Variants in EFEMP2 observed in about 807,000 individuals in gnomAD.
The protein encoded by EFEMP2 is EGF-like fibulin extracellular matrix protein 2, also known as EGF-containing fibulin-like extracellular matrix protein 2.
EFEMP2 carries 21 observed loss-of-function variants against 55.3 expected under a neutral mutation model. That is an observed-to-expected ratio of 0.38 (90% confidence interval 0.27 to 0.55). EFEMP2 has a LOEUF of 0.55. Among genes scored for constraint, EFEMP2 ranks in the 20% least tolerant of loss-of-function variants. The pLI is 0.77. For missense variants in EFEMP2, 513 were observed against 615.1 expected (o/e 0.83, Z 1.76); for synonymous variants, 275 against 242.3 (o/e 1.14, Z -1.25).
intron 7 of EFEMP2, 23 bp downstream of exon 7, chr11:65,869,834 C>T (rs755546782): frequency 1.2e-6 from 2 of 1,613,252 alleles, no homozygotes; most frequent in South Asian, 1.1e-5. Context: ...CAGAGGAGTA[C>T]ACAGCAGGGA....
intron 7 of EFEMP2, chr11:65,869,462 C>A: frequency 3.1e-6 from 1 of 322,130 alleles, no homozygotes; most frequent in South Asian, 2.7e-5. Context: ...AGCACTGCAG[C>A]TTGAGACTTG....
chr11:65,868,454 C>T (rs367770866), intron 8 of EFEMP2, 33 bp from the exon 9 acceptor site: 40 of 1,613,684 alleles, frequency 2.5e-5, no homozygotes, highest in Non-Finnish European at 3.1e-5. Flanking sequence ...GAATCGGGGG[C>T]GTCAGGCTGC....
At chr11:65,871,047 G>A (rs1285661169) in intron 4 of EFEMP2, 110 bp downstream of exon 4, 1 of 1,274,156 alleles carries the variant, frequency 7.8e-7, no homozygotes, top group Non-Finnish European at 1.1e-6. Flanking sequence ...TCTGGATGAG[G>A]GTGTGGACAT....
rs1287686272 is a variant in EFEMP2 at position 65,866,447 on chromosome 11, T to A, written c.*471A>T. The A allele has an allele frequency of 2.0e-5, 14 of 699,260 alleles. No individual in the cohort carries two copies. The East Asian group carries it at 3.2e-4, about 16-fold the overall frequency. 43.3% of individuals were successfully genotyped at this position (699,260 alleles called of 1,614,324 possible). A position where few individuals can be genotyped will look rare whatever the true frequency, so the allele number is the denominator to read the frequency against. On this transcript the variant is annotated 3_prime_UTR_variant, in exon 11 of 11. Transcript: ENST00000307998. ...AGAAAAGATTGAAAACCACTAACAG[T>A]CCAGTTGCCTCGTTTTATAGAAAAA...
rs1859963014 is a variant in EFEMP2, at chr11:65,871,374, G to A, written c.161-11C>T. On this transcript the variant is annotated splice_polypyrimidine_tract_variant and intron_variant, in intron 3 of 10. Transcript: ENST00000307998. ...GACACTCGTTGACATCTGCAGAGAG[G>A]GGCCTGCTGGGCACAGCCAGTCTCC... 6.2e-7 allele frequency: 1 copy of A among 1,613,726 alleles called. No homozygotes were observed. Among genetic ancestry groups the A allele is most frequent in the Non-Finnish European group, 8.5e-7 (1 of 1,179,618 alleles).
chr11:65,872,168 G>A, intron 2 of EFEMP2, 76 bp downstream of exon 2: 1 of 1,500,468 alleles, frequency 6.7e-7, no homozygotes, highest in Non-Finnish European at 9.1e-7. Context: ...GACTTCCCCG[G>A]CAGCAGTCAC....
At position 65,868,405 on chromosome 11, in the gene EFEMP2, C is replaced by A. The variant is rs759514025; in HGVS notation, c.864G>T (p.Glu288Asp). ...CCTCGGAGCACTGGTGCGCACCAGA[C>A]TCACACTCATCAATGTCTGTGCCAG... is the stretch of plus-strand genomic sequence containing the variant. ...TRLCQDIDEC[E>D]SGAHQCSEAQ... The change falls in exon 9 of 11, where the codon GAG becomes GAT. Residue 288 changes from glutamate (E) to aspartate (D), a missense_variant. Physicochemically the swap from Glu to Asp is conservative, Grantham distance 45. Transcript: ENST00000307998. 2 of 1,613,922 alleles carry A rather than the reference C, an allele frequency of 1.2e-6. No individual in the cohort carries two copies. The highest frequency in any genetic ancestry group is 1.7e-5 in the Admixed American group (1 of 60,028).
intron 5 of EFEMP2, 24 bp from the exon 6 acceptor site, chr11:65,870,261 A>C: frequency 1.3e-6 from 2 of 1,598,164 alleles, no homozygotes; most frequent in Non-Finnish European, 1.7e-6. Context: ...CAGGAGAAGG[A>C]GGGCGGAGGG....
chr11:65,869,819 G>T (rs989764055), intron 7 of EFEMP2, 38 bp downstream of exon 7: 1 of 1,612,414 alleles, frequency 6.2e-7, no homozygotes, highest in Admixed American at 1.7e-5. Context: ...GGGCCTGGGG[G>T]TCCACAGAGG....
intron 9 of EFEMP2, 30 bp from the exon 10 acceptor site, chr11:65,868,086 G>A: frequency 6.2e-7 from 1 of 1,610,484 alleles, no homozygotes; most frequent in South Asian, 1.1e-5. Context: ...GGACACAAAT[G>A]AGCTCCTTGC....
chr11:65,871,265 C>A lies in EFEMP2; in HGVS notation c.259G>T (p.Val87Phe). The A allele has an allele frequency of 6.2e-7, 1 of 1,614,030 alleles. No homozygotes were observed. Among genetic ancestry groups the A allele is most frequent in the Non-Finnish European group, 8.5e-7 (1 of 1,179,890 alleles). The change falls in exon 4 of 11, where the codon GTC becomes TTC. Residue 87 changes from valine (V) to phenylalanine (F), a missense_variant. Val to Phe is a conservative substitution (Grantham distance 50). Coordinates refer to ENST00000307998, the MANE Select transcript of EFEMP2 (RefSeq NM_016938.5). The part of the protein sequence containing the change: ...GYLCLPRSAA[V>F]INDLHGEGPP... ...CCCTCGCCGTGTAGGTCGTTGATGA[C>A]GGCAGCGGAGCGGGGCAGGCACAAG...
At chr11:65,867,590 C>T (rs1859876866) in intron 10 of EFEMP2, 2 of 526,340 alleles carry the variant, frequency 3.8e-6, no homozygotes, top group East Asian at 3.5e-5. Flanking sequence ...CTGCACACGC[C>T]ATTCCCTTGG....
Position 65,872,225 on chromosome 11 carries a change from C to G in EFEMP2, c.111+19G>C, listed in dbSNP as rs1486210160. ...CCCTACCCTTCCTGTCCCAGGCCAG[C>G]GGCCCTCACTGTCCCCACCGTGTAG... On this transcript the variant is annotated intron_variant, in intron 2 of 10. Transcript: ENST00000307998. 6.5e-7 allele frequency: 1 copy of G among 1,545,634 alleles called. No homozygotes were observed. Among genetic ancestry groups the G allele is most frequent in the African/African-American group, 1.4e-5 (1 of 73,032 alleles).
At chr11:65,870,686 C>A in intron 4 of EFEMP2, 28 bp from the exon 5 acceptor site, 4 of 1,613,706 alleles carry the variant, frequency 2.5e-6, no homozygotes, top group Non-Finnish European at 3.4e-6. Flanking sequence ...CAGCCCCTGC[C>A]TGGGATCCCG....
rs574969276 is a variant in EFEMP2, at chr11:65,867,361, G to A, written c.1171-282C>T. The A allele has an allele frequency of 6.3e-5, 34 of 535,496 alleles. No individual in the cohort carries two copies. In the South Asian group the frequency reaches 6.6e-4, roughly 10 times the overall value. The allele number at this position is 535,496 out of a possible 1,614,324, so 33.2% of individuals were successfully genotyped here. Reference sequence around the variant, plus strand: ...ATTCAAGGCCACATGTGGCTCTTGGGACTGGTGGGACCTTTGGTGACCCAA... The same window carrying A: ...ATTCAAGGCCACATGTGGCTCTTGGAACTGGTGGGACCTTTGGTGACCCAA... On this transcript the variant is annotated intron_variant, in intron 10 of 10. Transcript: ENST00000307998.
chr11:65,872,667 G>A lies in EFEMP2; in HGVS notation c.-8+16C>T, dbSNP rs1476695188. 1 of 317,768 alleles carries A rather than the reference G, an allele frequency of 3.1e-6. No individual in the cohort carries two copies. Among genetic ancestry groups the A allele is most frequent in the South Asian group, 2.4e-5 (1 of 41,528 alleles). 19.7% of individuals were successfully genotyped at this position (317,768 alleles called of 1,614,324 possible). ...CCGGCCCACGCCCTCCCCCACGGAC[G>A]GTCACAGCCACTCACTTGGGCCCGC... On this transcript the variant is annotated intron_variant, in intron 1 of 10. Transcript: ENST00000307998.
intron 4 of EFEMP2, 185 bp from the exon 5 acceptor site, chr11:65,870,843 CT>C: frequency 2.4e-6 from 2 of 833,912 alleles, no homozygotes; most frequent in East Asian, 5.3e-5. Flanking sequence ...AAATAAGGTC[CT>C]GTCCAAACAT....
Position 65,871,220 on chromosome 11 carries a change from G to C in EFEMP2, c.304C>G (p.Pro102Ala). The C allele has an allele frequency of 6.2e-7, 1 of 1,614,112 alleles. No individual in the cohort carries two copies. Among genetic ancestry groups the C allele is most frequent in the Non-Finnish European group, 8.5e-7 (1 of 1,179,938 alleles). Residue 102 changes from proline (P) to alanine (A), a missense_variant, in exon 4 of 11, where the codon CCC (proline) becomes GCC (alanine). Pro to Ala is a conservative substitution (Grantham distance 27, BLOSUM62 -1). Transcript: ENST00000307998. ...HGEGPPPPVP[P>A]AQHPNPCPPG... ...GGGCAGGGGTTGGGGTGTTGAGCGG[G>C]AGGCACTGGTGGCGGGGGTCCCTCG...
intron 10 of EFEMP2, 142 bp downstream of exon 10, chr11:65,867,719 G>A: frequency 2.3e-6 from 2 of 865,434 alleles, no homozygotes. Context: ...GAGTACCCCC[G>A]TCTTCCTGCA....
Sources: allele counts gnomAD v4.1 joint callset, GRCh38; gene constraint gnomAD v4.1.1; transcripts MANE v1.5; gene names NCBI Gene and HGNC (gene_info 2026-07-23, HGNC 2026-07-21).